Variants in CYTH3 observed in about 807,000 individuals in gnomAD.
CYTH3 encodes the protein cytohesin-3.
A neutral mutation model predicts 55.1 loss-of-function variants in CYTH3; 23 were observed. The observed-to-expected ratio is 0.42, with a 90% confidence interval of 0.30 to 0.59. The LOEUF (loss-of-function observed/expected upper bound fraction) is 0.59, where lower values mean the gene tolerates loss of function less well. Among genes scored for constraint, CYTH3 ranks in the 20% least tolerant of loss-of-function variants. CYTH3 has a pLI of 0.20. For synonymous variants in CYTH3, 249 were observed against 194.9 expected, an observed-to-expected ratio of 1.28 and a Z score of -2.31; for missense variants, 413 against 524.8, an observed-to-expected ratio of 0.79 and a Z score of 2.08.
chr7:6,268,549 T>C (rs1371398308), intron 1 of CYTH3, among the ~76,000 whole-genome samples: 1 of 152,228 alleles, frequency 6.6e-6, no homozygotes, highest in Admixed American at 6.5e-5. Flanking sequence ...TCTACAACTT[T>C]ACAACCTCAT....
Position 6,165,615 on chromosome 7 carries a change from T to C in CYTH3, c.902A>G (p.Asp301Gly). 1 of 1,613,940 alleles carries C rather than the reference T, an allele frequency of 6.2e-7. No individual in the cohort carries two copies. Among genetic ancestry groups the C allele is most frequent in the Non-Finnish European group, 8.5e-7 (1 of 1,179,924 alleles). ...NCLYYFEYTT[D>G]KEPRGIIPLE... ...CGGGATGATTCCCCTGGGCTCCTTA[T>C]CCTACAAGAGGAAAGTACACGGCGG... The change falls in exon 11 of 13, where the codon GAT becomes GGT. Residue 301 changes from aspartate to glycine, a missense_variant and splice_region_variant. Asp to Gly is a moderately conservative substitution (Grantham distance 94, BLOSUM62 -1). Around this residue, in one of 4 missense-constraint regions of CYTH3, gnomAD observed 7 missense variants for 28.4 expected, o/e 0.25. Transcript: ENST00000350796.
chr7:6,186,481 G>C (rs1170392154), intron 4 of CYTH3, among the ~76,000 whole-genome samples: 1 of 152,118 alleles, frequency 6.6e-6, no homozygotes, highest in Non-Finnish European at 1.5e-5. Flanking sequence ...CACGGTTTTC[G>C]AGTGTCTCCC....
At chr7:6,248,383 G>A (rs1454448961) in intron 1 of CYTH3, among the ~76,000 whole-genome samples, 1 of 152,132 alleles carries the variant, frequency 6.6e-6, no homozygotes, top group East Asian at 1.9e-4. Context: ...CCTATTCAGA[G>A]ATGTGGTCCA....
intron 9 of CYTH3, among the ~76,000 whole-genome samples, chr7:6,166,545 G>GCCCT (rs1218541630): frequency 6.6e-6 from 1 of 152,210 alleles, no homozygotes; most frequent in Non-Finnish European, 1.5e-5. Context: ...CAGGGGAGTA[G>GCCCT]CCCTCCCTCC....
chr7:6,263,175 CTAATA>C (rs1780397605), intron 1 of CYTH3, among the ~76,000 whole-genome samples: 1 of 152,104 alleles, frequency 6.6e-6, no homozygotes, highest in African/African-American at 2.4e-5. Context: ...ACCCCTGAAC[CTAATA>C]TAACAGCTTT....
intron 4 of CYTH3, among the ~76,000 whole-genome samples, chr7:6,179,676 C>G (rs1583749127): frequency 2.1e-5 from 2 of 95,120 alleles, no homozygotes; most frequent in Admixed American, 1.1e-4. Flanking sequence ...CACACACACA[C>G]CACACACACC....
At chr7:6,176,581 T>C (rs533773861) in intron 5 of CYTH3, among the ~76,000 whole-genome samples, 3 of 152,318 alleles carry the variant, frequency 2.0e-5, no homozygotes, top group Middle Eastern at 3.4e-3. Flanking sequence ...TGTATATTAA[T>C]TGTATATCAT....
intron 1 of CYTH3, among the ~76,000 whole-genome samples, chr7:6,268,778 C>T (rs1379031465): frequency 6.6e-6 from 1 of 152,092 alleles, no homozygotes; most frequent in African/African-American, 2.4e-5. Context: ...CCCAGAGAAA[C>T]AGAGACATCC....
At chr7:6,225,034 C>T (rs948385678) in intron 1 of CYTH3, among the ~76,000 whole-genome samples, 5 of 152,110 alleles carry the variant, frequency 3.3e-5, no homozygotes, top group Non-Finnish European at 5.9e-5. Flanking sequence ...CAGTGGCTGG[C>T]GCTGGGGTAA....
intron 1 of CYTH3, among the ~76,000 whole-genome samples, chr7:6,229,122 C>T (rs776986633): frequency 5.7e-4 from 87 of 152,158 alleles, no homozygotes; most frequent in Middle Eastern, 3.4e-3. Flanking sequence ...CTGAATTAGC[C>T]AAATAAAGTG....
chr7:6,232,003 T>C (rs189985527), intron 1 of CYTH3, among the ~76,000 whole-genome samples: 3 of 152,346 alleles, frequency 2.0e-5, no homozygotes, highest in African/African-American at 4.8e-5. Context: ...CGTTTGCATC[T>C]GAGTTTTAAA....
At chr7:6,196,783 A>G (rs1383339433) in intron 1 of CYTH3, among the ~76,000 whole-genome samples, 1 of 152,190 alleles carries the variant, frequency 6.6e-6, no homozygotes, top group African/African-American at 2.4e-5. Flanking sequence ...AATATGGCAA[A>G]AAGTATATCT....
intron 4 of CYTH3, among the ~76,000 whole-genome samples, chr7:6,185,302 T>C (rs901870956): frequency 1.3e-5 from 2 of 152,106 alleles, no homozygotes; most frequent in Admixed American, 6.5e-5. Context: ...AATCCAGACA[T>C]GGCCTGGCGC....
intron 5 of CYTH3, among the ~76,000 whole-genome samples, chr7:6,175,817 G>T (rs1477083734): frequency 2.0e-5 from 3 of 152,148 alleles, no homozygotes; most frequent in African/African-American, 7.2e-5. Context: ...AAAATGCTGG[G>T]ATTACAGAGT....
Position 6,259,772 on chromosome 7 carries a change from T to TATATAATATA in CYTH3, c.34+12701_34+12702insTATATTATAT, listed in dbSNP as rs1491219669. ...TATATATATATTATATATATATATA[T>TATATAATATA]TATATATATATAATATATATATATA... On this transcript the variant is annotated intron_variant, in intron 1 of 12. Transcript: ENST00000350796. Among the ~76,000 whole-genome samples, 9 of 30,498 alleles carry TATATAATATA rather than the reference T, an allele frequency of 3.0e-4. No homozygotes were observed. The South Asian group carries it at 4.1e-3, about 14-fold the overall frequency. The allele number at this position is 30,498 out of a possible 152,430, so 20.0% of individuals were successfully genotyped here. A position where few individuals can be genotyped will look rare whatever the true frequency, so the allele number is the denominator to read the frequency against.
chr7:6,170,635 C>T lies in CYTH3; in HGVS notation c.723G>A (p.Glu241=). The T allele has an allele frequency of 6.2e-7, 1 of 1,613,814 alleles. No individual in the cohort carries two copies. Among genetic ancestry groups the T allele is most frequent in the Admixed American group, 1.7e-5 (1 of 59,972 alleles). The stretch of plus-strand genomic sequence containing the variant: ...TCTTAAATGGCTCGTTCTTAATGCT[C>T]TCATACAAATTCTGCAAGGAGGGAA... ...LPEELLRNLY[E]SIKNEPFKIP... The change falls in exon 9 of 13, where the codon GAG becomes GAA. Residue 241 remains glutamate, a synonymous_variant. Coordinates refer to ENST00000350796, the MANE Select transcript of CYTH3 (RefSeq NM_004227.4). The surrounding 1 kb of genome is among the most constrained non-coding windows in gnomAD (Gnocchi z 7.8).
intron 1 of CYTH3, among the ~76,000 whole-genome samples, chr7:6,230,568 T>C (rs1468741549): frequency 2.0e-5 from 3 of 152,168 alleles, no homozygotes; most frequent in Admixed American, 2.0e-4. Context: ...CAGTGGGGTT[T>C]ACACGGTGAA....
intron 1 of CYTH3, among the ~76,000 whole-genome samples, chr7:6,266,190 C>T (rs1411632197): frequency 6.6e-6 from 1 of 152,142 alleles, no homozygotes; most frequent in East Asian, 1.9e-4. Flanking sequence ...ACTCTCCACT[C>T]AGGAGTCAAG....
intron 9 of CYTH3, among the ~76,000 whole-genome samples, chr7:6,168,900 C>G (rs927801347): frequency 1.3e-5 from 2 of 152,224 alleles, no homozygotes; most frequent in African/African-American, 4.8e-5. Context: ...AGGGAGGCAT[C>G]TAATCAAACG....
Sources: gnomAD v4.1 joint callset for allele counts (sites outside exome capture counted in the v4.1 genomes callset) on GRCh38, gnomAD v4.1.1 for gene constraint, gnomAD v4.1.1 regional missense constraint, Gnocchi (gnomAD v3.1) non-coding constraint, MANE v1.5 for transcripts, NCBI Gene and HGNC (gene_info 2026-07-23, HGNC 2026-07-21) for gene names.